Variants in SYNPR observed in about 807,000 individuals in gnomAD.
SYNPR encodes the protein synaptoporin.
In SYNPR, 23 loss-of-function variants were observed where a neutral mutation model predicts 32.9. That is an observed-to-expected ratio of 0.70 (90% CI 0.50 to 0.99). The LOEUF (loss-of-function observed/expected upper bound fraction) is 0.99, where lower values mean the gene tolerates loss of function less well. Ranked by LOEUF, SYNPR falls within the 50% of genes least tolerant of loss-of-function variation. The pLI, the probability that SYNPR is intolerant of heterozygous loss-of-function variation, is 0.00. For synonymous variants in SYNPR, 146 were observed against 135.9 expected, an observed-to-expected ratio of 1.07 and a Z score of -0.52; for missense variants, 318 against 349.3, an observed-to-expected ratio of 0.91 and a Z score of 0.71.
At chr3:63,366,095 T>C (rs879364460) in intron 2 of SYNPR, among the ~76,000 whole-genome samples, 10 of 152,210 alleles carry the variant, frequency 6.6e-5, no homozygotes, top group Non-Finnish European at 1.3e-4. Context: ...GACTGAATTA[T>C]GCTGAATCCA....
At chr3:63,535,511 T>C (rs995544045) in intron 3 of SYNPR, among the ~76,000 whole-genome samples, 73 of 152,238 alleles carry the variant, frequency 4.8e-4, no homozygotes, top group African/African-American at 1.6e-3. Flanking sequence ...ATAGAGATGG[T>C]GGAATGTATT....
chr3:63,430,951 G>A (rs1298310205), intron 2 of SYNPR, among the ~76,000 whole-genome samples: 1 of 152,160 alleles, frequency 6.6e-6, no homozygotes. Context: ...GGTTTTGAAG[G>A]ATGAGTAGGA....
chr3:63,528,452 A>G (rs901047739), intron 3 of SYNPR, among the ~76,000 whole-genome samples: 2 of 152,126 alleles, frequency 1.3e-5, no homozygotes, highest in African/African-American at 4.8e-5. Context: ...GACTTAAACT[A>G]GCAAAAAGTT....
chr3:63,580,752 A>C (rs1240793761), intron 4 of SYNPR, among the ~76,000 whole-genome samples: 1 of 152,154 alleles, frequency 6.6e-6, no homozygotes, highest in African/African-American at 2.4e-5. Context: ...CATCCTTGAC[A>C]AGTTAGTCTC....
intron 4 of SYNPR, among the ~76,000 whole-genome samples, chr3:63,557,006 A>G (rs191924154): frequency 2.0e-4 from 31 of 152,352 alleles, no homozygotes; most frequent in Admixed American, 1.6e-3. Context: ...AGGAAAGAGC[A>G]GTGAAGCTTG....
At chr3:63,320,028 C>A (rs375332476) in intron 2 of SYNPR, among the ~76,000 whole-genome samples, 1 of 151,942 alleles carries the variant, frequency 6.6e-6, no homozygotes, top group Non-Finnish European at 1.5e-5. Flanking sequence ...TGGTTCACTG[C>A]GGCCTCAAAC....
intron 2 of SYNPR, among the ~76,000 whole-genome samples, chr3:63,404,819 C>T (rs893791481): frequency 6.6e-6 from 1 of 152,076 alleles, no homozygotes; most frequent in African/African-American, 2.4e-5. Flanking sequence ...AGAATATCTG[C>T]TTCATGTATT....
chr3:63,278,849 C>A, intron 2 of SYNPR, 107 bp downstream of exon 2: 2 of 1,250,252 alleles, frequency 1.6e-6, no homozygotes, highest in South Asian at 2.7e-5. Context: ...GCCGGAGATT[C>A]AACCCTCAAG....
the SYNPR span, among the ~76,000 whole-genome samples, chr3:63,221,189 G>A: frequency 1.3e-5 from 2 of 152,234 alleles, no homozygotes; most frequent in East Asian, 3.9e-4. Context: ...GTTCTAAGTG[G>A]AGGGTTGAAC....
At chr3:63,510,936 C>CGCGT (rs1553642449) in intron 3 of SYNPR, among the ~76,000 whole-genome samples, 32 of 150,674 alleles carry the variant, frequency 2.1e-4, no homozygotes, top group African/African-American at 4.4e-4. Context: ...TGTGTGTGTG[C>CGCGT]GCGCACGTTG....
intron 2 of SYNPR, among the ~76,000 whole-genome samples, chr3:63,388,894 A>C (rs1194674807): frequency 6.6e-6 from 1 of 152,152 alleles, no homozygotes; most frequent in African/African-American, 2.4e-5. Flanking sequence ...AAATTCCCAT[A>C]AACAGGAAAA....
chr3:63,569,048 A>G (rs561638790), intron 4 of SYNPR, among the ~76,000 whole-genome samples: 7 of 152,246 alleles, frequency 4.6e-5, no homozygotes, highest in Non-Finnish European at 1.0e-4. Context: ...CATAGGACCA[A>G]GAAAGAGTAA....
intron 2 of SYNPR, among the ~76,000 whole-genome samples, chr3:63,332,075 G>A (rs1165009786): frequency 6.6e-6 from 1 of 152,200 alleles, no homozygotes; most frequent in Non-Finnish European, 1.5e-5. Context: ...AACATGCTGA[G>A]CATATAGATC....
At chr3:63,317,035 A>G (rs2106962271) in intron 2 of SYNPR, among the ~76,000 whole-genome samples, 1 of 151,978 alleles carries the variant, frequency 6.6e-6, no homozygotes, top group East Asian at 1.9e-4. Flanking sequence ...ATGTATTTTC[A>G]TGGTTCTGAA....
At chr3:63,388,560 G>GTGTA (rs1553875162) in intron 2 of SYNPR, among the ~76,000 whole-genome samples, 2 of 112,192 alleles carry the variant, frequency 1.8e-5, no homozygotes, top group African/African-American at 8.8e-5. Flanking sequence ...GCTAATTTGT[G>GTGTA]TGTGTGTGTG....
intron 2 of SYNPR, among the ~76,000 whole-genome samples, chr3:63,260,600 T>G (rs1436066945): frequency 6.6e-6 from 1 of 152,056 alleles, no homozygotes; most frequent in Non-Finnish European, 1.5e-5. Flanking sequence ...AAATGTTAGA[T>G]CTAAAACCAT....
the SYNPR span, among the ~76,000 whole-genome samples, chr3:63,217,718 G>T: frequency 6.6e-6 from 1 of 152,116 alleles, no homozygotes; most frequent in African/African-American, 2.4e-5. Flanking sequence ...CCTATTCCTT[G>T]AATCTTTCTT....
At chr3:63,520,112 C>G (rs1701877613) in intron 3 of SYNPR, among the ~76,000 whole-genome samples, 1 of 152,148 alleles carries the variant, frequency 6.6e-6, no homozygotes, top group Non-Finnish European at 1.5e-5. Flanking sequence ...ATATTCTTTA[C>G]AGCATAATTT....
At chr3:63,257,182 G>A (rs2086392083) in intron 2 of SYNPR, among the ~76,000 whole-genome samples, 1 of 152,162 alleles carries the variant, frequency 6.6e-6, no homozygotes, top group Non-Finnish European at 1.5e-5. Flanking sequence ...AGTCTAGCAA[G>A]GCAGGCCAAA....
Sources: gnomAD v4.1 joint callset for allele counts (sites outside exome capture counted in the v4.1 genomes callset) on GRCh38, gnomAD v4.1.1 for gene constraint, MANE v1.5 for transcripts, NCBI Gene and HGNC (gene_info 2026-07-23, HGNC 2026-07-21) for gene names.